LRP4: variants seen among roughly 807,000 people sequenced by gnomAD.
The protein encoded by LRP4 is low-density lipoprotein receptor-related protein 4.
A neutral mutation model predicts 220.3 loss-of-function variants in LRP4; 95 were observed. The ratio of observed to expected loss-of-function variants is 0.43; its 90% CI spans 0.37 to 0.51. The LOEUF (loss-of-function observed/expected upper bound fraction) is 0.51, where lower values mean the gene tolerates loss of function less well. Ranked by LOEUF, LRP4 falls within the 20% of genes least tolerant of loss-of-function variation. The probability of loss-of-function intolerance (pLI) is 0.00; values close to 1 mark genes in which losing one functional copy is unlikely to be tolerated. For synonymous variants in LRP4, 903 were observed against 954.6 expected (o/e 0.95, Z 1.00); for missense variants, 1,925 against 2,567.0 (o/e 0.75, Z 5.40).
chr11:46,913,664 C>T (rs1258054560), intron 1 of LRP4, among the ~76,000 whole-genome samples: 1 of 152,086 alleles, frequency 6.6e-6, no homozygotes, highest in African/African-American at 2.4e-5. Context: ...TACAAGAGTC[C>T]CTGGCCAGCC....
intron 23 of LRP4, 58 bp downstream of exon 23, chr11:46,877,141 C>A: frequency 6.3e-7 from 1 of 1,592,370 alleles, no homozygotes; most frequent in Non-Finnish European, 8.6e-7. Flanking sequence ...AGAGGAAAGA[C>A]AGTAATTGTT....
At chr11:46,892,874 C>T (rs1941450873) in intron 13 of LRP4, 99 bp downstream of exon 13, 2 of 1,473,548 alleles carry the variant, frequency 1.4e-6, no homozygotes, top group Admixed American at 3.8e-5. Flanking sequence ...CCAGCTACAC[C>T]ACACTTTGAG....
intron 3 of LRP4, 62 bp from the exon 4 acceptor site, chr11:46,900,038 C>CT (rs1398290951): frequency 1.1e-5 from 15 of 1,367,072 alleles, no homozygotes; most frequent in Middle Eastern, 1.8e-4. Flanking sequence ...GGAAGCCTGA[C>CT]TTAAAGCCCT....
intron 1 of LRP4, among the ~76,000 whole-genome samples, chr11:46,907,777 G>A (rs762296583): frequency 1.3e-5 from 2 of 152,118 alleles, no homozygotes; most frequent in Non-Finnish European, 2.9e-5. Flanking sequence ...CACAAATTCC[G>A]CAATTTTGAG....
intron 1 of LRP4, among the ~76,000 whole-genome samples, chr11:46,903,578 A>G (rs1941708690): frequency 6.6e-6 from 1 of 152,210 alleles, no homozygotes; most frequent in African/African-American, 2.4e-5. Context: ...GGAACAAGGG[A>G]CAGAAAGGGT....
chr11:46,900,208 A>G, intron 3 of LRP4, 54 bp downstream of exon 3: 1 of 1,367,440 alleles, frequency 7.3e-7, no homozygotes, highest in Non-Finnish European at 1.0e-6. Flanking sequence ...CTGATTGAAA[A>G]TCCTTTCCCA....
At chr11:46,897,113 T>TG in intron 7 of LRP4, 119 bp from the exon 8 acceptor site, 1 of 1,297,538 alleles carries the variant, frequency 7.7e-7, no homozygotes, top group South Asian at 1.2e-5. Context: ...GGATCACAGC[T>TG]GGTCTATATA....
intron 28 of LRP4, 122 bp downstream of exon 28, chr11:46,874,677 AG>A: frequency 5.1e-6 from 4 of 787,890 alleles, no homozygotes; most frequent in Non-Finnish European, 8.6e-6. Context: ...TGAACAAGTC[AG>A]GATTAAAACT....
chr11:46,915,798 C>A (rs1941938116), intron 1 of LRP4, among the ~76,000 whole-genome samples: 1 of 152,184 alleles, frequency 6.6e-6, no homozygotes, highest in South Asian at 2.1e-4. Flanking sequence ...CTAGTCTCAG[C>A]CTCCCAAAAT....
chr11:46,889,645 T>A, intron 15 of LRP4, 112 bp from the exon 16 acceptor site: 1 of 1,454,868 alleles, frequency 6.9e-7, no homozygotes, highest in Admixed American at 1.8e-5. Context: ...AGAAACTATG[T>A]CTTATATTTT....
intron 18 of LRP4, 42 bp downstream of exon 18, chr11:46,886,049 A>G: frequency 6.5e-7 from 1 of 1,532,626 alleles, no homozygotes; most frequent in Non-Finnish European, 9.0e-7. Context: ...AAACAAGAGG[A>G]ATCCCAGGGA....
chr11:46,864,805 AT>A (rs1387042104), intron 35 of LRP4, among the ~76,000 whole-genome samples: 1 of 152,176 alleles, frequency 6.6e-6, no homozygotes, highest in Non-Finnish European at 1.5e-5. Context: ...GTAAGCCTAC[AT>A]TTTCTCTTTA....
At chr11:46,914,489 G>A (rs1941916927) in intron 1 of LRP4, among the ~76,000 whole-genome samples, 1 of 152,214 alleles carries the variant, frequency 6.6e-6, no homozygotes, top group Non-Finnish European at 1.5e-5. Flanking sequence ...GCAGTCATCA[G>A]AACTATTTAT....
At position 46,873,593 on chromosome 11, in the gene LRP4, C is replaced by T. The variant is rs1398452708; in HGVS notation, c.4230G>A (p.Arg1410=). 8.1e-6 allele frequency: 13 copies of T among 1,610,970 alleles called. No individual in the cohort carries two copies. Among genetic ancestry groups the T allele is most frequent in the Non-Finnish European group, 1.1e-5 (13 of 1,177,672 alleles). ...YYTDVFLDVI[R]RADLNGSNME... ...TGTTGCTGCCGTTCAGGTCTGCTCG[C>T]CTTGGGGAGAGCCCAGTGTTGGATG... The change falls in exon 29 of 38, where the codon AGG becomes AGA. Residue 1410 remains arginine, a splice_region_variant and synonymous_variant. Coordinates refer to ENST00000378623, the MANE Select transcript of LRP4 (RefSeq NM_002334.4). This position sits in a 1 kb window ranked among gnomAD's most constrained non-coding sequence, Gnocchi z 4.2.
In LRP4 at chr11:46,866,498, C is replaced by A. The variant is rs529014936; in HGVS notation, c.5088-1312G>T. 5.3e-5 allele frequency among the ~76,000 whole-genome samples: 8 copies of A among 152,206 alleles called. No homozygotes were observed. The East Asian group carries it at 1.4e-3, about 26-fold the overall frequency. ...ATAGGATCTCACTATGTTACCCAGG[C>A]TTGTCTTGAATTCCTGGACTCATGT... On this transcript the variant is annotated intron_variant, in intron 34 of 37. Coordinates refer to ENST00000378623, the MANE Select transcript of LRP4 (RefSeq NM_002334.4).
chr11:46,911,665 C>T (rs771155310), intron 1 of LRP4, among the ~76,000 whole-genome samples: 1 of 151,000 alleles, frequency 6.6e-6, no homozygotes, highest in Non-Finnish European at 1.5e-5. Flanking sequence ...ATTCCTTATG[C>T]ATTCAGACTC....
At chr11:46,862,333 A>G (rs1940579324) in intron 37 of LRP4, among the ~76,000 whole-genome samples, 1 of 152,148 alleles carries the variant, frequency 6.6e-6, no homozygotes, top group African/African-American at 2.4e-5. Flanking sequence ...AAGCTTGGAA[A>G]AATATCTCAT....
Position 46,894,597 on chromosome 11 carries a change from T to C in LRP4, c.1532A>G (p.Glu511Gly). Residue 511 changes from glutamate to glycine, a missense_variant, in exon 12 of 38, where the codon GAG becomes GGG. Glu to Gly is a moderately conservative substitution (Grantham distance 98). Around this residue, in one of 3 missense-constraint regions of LRP4, gnomAD observed 269 missense variants for 436.7 expected, o/e 0.62. Coordinates refer to ENST00000378623, the MANE Select transcript of LRP4 (RefSeq NM_002334.4). ...GGGGCCTTGTTCCCTACCTGGGCTC[T>C]CCAGCCCAGTAGACACAACCTCCTC... ...NVEEVVSTGL[E>G]SPGGLAVDWV... 1 of 1,604,188 alleles carries C rather than the reference T, an allele frequency of 6.2e-7. No individual in the cohort carries two copies. The highest frequency in any genetic ancestry group is 8.5e-7 in the Non-Finnish European group (1 of 1,174,754).
At chr11:46,871,691 T>TC in intron 30 of LRP4, 58 bp from the exon 31 acceptor site, 2 of 1,161,298 alleles carry the variant, frequency 1.7e-6, no homozygotes, top group Non-Finnish European at 2.5e-6. Flanking sequence ...GCCCAGCTCT[T>TC]CCCCCTATGA....
Sources: gnomAD v4.1 joint callset for allele counts (sites outside exome capture counted in the v4.1 genomes callset) on GRCh38, gnomAD v4.1.1 for gene constraint, gnomAD v4.1.1 regional missense constraint, Gnocchi (gnomAD v3.1) non-coding constraint, MANE v1.5 for transcripts, NCBI Gene and HGNC (gene_info 2026-07-23, HGNC 2026-07-21) for gene names.